LEKR1: variants seen among roughly 807,000 people sequenced by gnomAD.
LEKR1 encodes the protein leucine, glutamate and lysine rich 1, also known as protein LEKR1.
A neutral mutation model predicts 72.4 loss-of-function variants in LEKR1; 59 were observed. The observed-to-expected ratio is 0.82, with a 90% CI of 0.66 to 1.01. LEKR1 has a LOEUF of 1.01. Ranked by LOEUF, LEKR1 falls within the 50% of genes least tolerant of loss-of-function variation. LEKR1 has a pLI of 0.00. For missense variants in LEKR1, 728 were observed against 759.2 expected (o/e 0.96, Z 0.48); for synonymous variants, 257 against 263.2 (o/e 0.98, Z 0.23).
intron 7 of LEKR1, among the ~76,000 whole-genome samples, chr3:156,982,615 G>C (rs1390404784): frequency 6.6e-6 from 1 of 152,062 alleles, no homozygotes; most frequent in Non-Finnish European, 1.5e-5. Context: ...ATGTTCAGAA[G>C]GTAACCAGTA....
intron 9 of LEKR1, among the ~76,000 whole-genome samples, chr3:157,009,407 C>A (rs1002994614): frequency 1.8e-4 from 28 of 152,198 alleles, no homozygotes; most frequent in African/African-American, 6.7e-4. Context: ...CTAGTGGCTA[C>A]CATATTGAAC....
chr3:156,997,596 A>G lies in LEKR1; in HGVS notation c.1109+4319A>G, dbSNP rs1279631830. Among the ~76,000 whole-genome samples, 5 of 152,204 alleles carry G rather than the reference A, an allele frequency of 3.3e-5. No homozygotes were observed. The South Asian group carries it at 6.2e-4, about 19-fold the overall frequency. ...ACCAGATGTGCTCACCAAAGGCCAG[A>G]GCCCCATTCACTCCCACTGACTTTG... is the stretch of plus-strand genomic sequence containing the variant. On this transcript the variant is annotated intron_variant, in intron 9 of 12. Transcript: ENST00000356539.
chr3:156,892,831 T>A (rs1414521022), intron 3 of LEKR1, among the ~76,000 whole-genome samples: 1 of 152,218 alleles, frequency 6.6e-6, no homozygotes, highest in Non-Finnish European at 1.5e-5. Flanking sequence ...ATGACTAAGA[T>A]GAGACTCTGA....
chr3:157,045,690 A>C lies in LEKR1; in HGVS notation c.2019A>C (p.Ser673=), dbSNP rs77161337. 6.2e-7 allele frequency: 1 copy of C among 1,613,622 alleles called. No individual in the cohort carries two copies. The highest frequency in any genetic ancestry group is 8.5e-7 in the Non-Finnish European group (1 of 1,180,012). ...ATCCTCCCAGGGGTGGAGCATCTTC[A>C]GCAAATGAGACTAGACAGAGACTGG... is the stretch of plus-strand genomic sequence containing the variant. The part of the protein sequence containing the change: ...QPHPPRGGAS[S]ANETRQRLAA... The change falls in exon 13 of 13, where the codon TCA becomes TCC. Residue 673 remains serine, a synonymous_variant. Transcript: ENST00000356539.
chr3:156,977,503 C>A, intron 6 of LEKR1: 1 of 412,264 alleles, frequency 2.4e-6, no homozygotes, highest in South Asian at 2.1e-5. Context: ...TCCCTTAGGT[C>A]ATAGTGCAGC....
At chr3:156,855,878 A>G (rs146033727) in intron 3 of LEKR1, among the ~76,000 whole-genome samples, 12 of 152,264 alleles carry the variant, frequency 7.9e-5, no homozygotes, top group African/African-American at 2.6e-4. Flanking sequence ...TCAAGATTCA[A>G]ATCCCAGAAG....
At chr3:156,893,559 A>T (rs1210783132) in intron 3 of LEKR1, among the ~76,000 whole-genome samples, 1 of 145,010 alleles carries the variant, frequency 6.9e-6, no homozygotes, top group South Asian at 2.3e-4. Context: ...TCCTCACCAC[A>T]GTAAGTGAGT....
chr3:156,834,646 C>A (rs1712873684), intron 2 of LEKR1, among the ~76,000 whole-genome samples: 1 of 152,184 alleles, frequency 6.6e-6, no homozygotes, highest in African/African-American at 2.4e-5. Context: ...GAGCTTTAGA[C>A]AGTGTCTGAC....
intron 3 of LEKR1, among the ~76,000 whole-genome samples, chr3:156,891,611 G>A (rs1369543032): frequency 6.6e-6 from 1 of 152,182 alleles, no homozygotes; most frequent in African/African-American, 2.4e-5. Flanking sequence ...TCAACTGAAT[G>A]TGGTTCAGTT....
At chr3:157,024,626 C>T in intron 10 of LEKR1, 134 bp from the exon 11 acceptor site, 4 of 717,582 alleles carry the variant, frequency 5.6e-6, no homozygotes, top group South Asian at 4.4e-5. Flanking sequence ...TTTTTTTGAA[C>T]ACTAGAATTT....
At chr3:157,023,060 A>G (rs1473694183) in intron 10 of LEKR1, among the ~76,000 whole-genome samples, 1 of 151,940 alleles carries the variant, frequency 6.6e-6, no homozygotes, top group Admixed American at 6.6e-5. Flanking sequence ...TTTCTTAGCA[A>G]TATTTGTGTC....
intron 5 of LEKR1, among the ~76,000 whole-genome samples, chr3:156,939,778 G>A (rs934899868): frequency 4.0e-5 from 6 of 151,502 alleles, no homozygotes; most frequent in African/African-American, 1.5e-4. Context: ...TAAAATTTCG[G>A]GAAAAATATT....
At chr3:156,828,098 TTA>T (rs1711874886) in intron 1 of LEKR1, among the ~76,000 whole-genome samples, 1 of 152,234 alleles carries the variant, frequency 6.6e-6, no homozygotes, top group African/African-American at 2.4e-5. Context: ...TCAGTTAACT[TTA>T]CCACACATGT....
chr3:156,862,990 C>T (rs1716933601), intron 3 of LEKR1, among the ~76,000 whole-genome samples: 1 of 152,026 alleles, frequency 6.6e-6, no homozygotes, highest in Non-Finnish European at 1.5e-5. Flanking sequence ...GGACAAAAAA[C>T]AAGAATTTGA....
intron 6 of LEKR1, among the ~76,000 whole-genome samples, chr3:156,954,079 C>T (rs187182967): frequency 6.6e-6 from 1 of 152,086 alleles, no homozygotes; most frequent in East Asian, 1.9e-4. Context: ...AAGATGGTAT[C>T]TTATTGTGGT....
At chr3:157,020,154 G>A (rs1412111892) in intron 10 of LEKR1, among the ~76,000 whole-genome samples, 1 of 151,736 alleles carries the variant, frequency 6.6e-6, no homozygotes, top group Non-Finnish European at 1.5e-5. Flanking sequence ...TTTCTAACTC[G>A]AGTAAAACAG....
At chr3:156,882,850 T>C (rs1576734269) in intron 3 of LEKR1, among the ~76,000 whole-genome samples, 1 of 151,776 alleles carries the variant, frequency 6.6e-6, no homozygotes, top group Non-Finnish European at 1.5e-5. Context: ...ATGTCCTTTG[T>C]AGGGACATGG....
intron 3 of LEKR1, among the ~76,000 whole-genome samples, chr3:156,886,023 A>G (rs1013032591): frequency 1.3e-5 from 2 of 152,304 alleles, no homozygotes; most frequent in East Asian, 1.9e-4. Flanking sequence ...ATAGCTCCCA[A>G]GAGTTTCTGT....
In LEKR1 at chr3:156,880,267, A is replaced by C. The variant is rs183434037; in HGVS notation, c.263+27285A>C. 4.3e-3 allele frequency among the ~76,000 whole-genome samples: 655 copies of C among 152,358 alleles called. 11 individuals are homozygous for C. Among genetic ancestry groups the C allele is most frequent in the Non-Finnish European group, 1.6e-3 (110 of 68,026 alleles). On this transcript the variant is annotated intron_variant, in intron 3 of 12. Coordinates refer to ENST00000356539, the MANE Select transcript of LEKR1 (RefSeq NM_001004316.3). The stretch of plus-strand genomic sequence containing the variant: ...CATCAGCATGATCTGGATGTGAGAC[A>C]TGGAGTCAAAGGAGATAATTTTGGA...
Sources: allele counts gnomAD v4.1 joint callset (sites outside exome capture counted in the v4.1 genomes callset), GRCh38; gene constraint gnomAD v4.1.1; transcripts MANE v1.5; gene names NCBI Gene and HGNC (gene_info 2026-07-23, HGNC 2026-07-21).